The following CSMD1 variants were observed in gnomAD, a reference collection of about 807,000 sequenced individuals.
CSMD1 encodes the protein CUB and Sushi multiple domains 1.
CSMD1 carries 213 observed loss-of-function variants against 417.5 expected under a neutral mutation model. That is an observed-to-expected ratio of 0.51 (90% CI 0.46 to 0.57). The LOEUF (loss-of-function observed/expected upper bound fraction) is 0.57, where lower values mean the gene tolerates loss of function less well. Ranked by LOEUF, CSMD1 falls within the 20% of genes least tolerant of loss-of-function variation. The pLI is 0.00. For synonymous variants in CSMD1, 2,862 were observed against 1,736.8 expected (o/e 1.65, Z -16.11); for missense variants, 6,923 against 4,529.7 (o/e 1.53, Z -15.17).
At chr8:3,913,153 T>G (rs1288110458) in intron 5 of CSMD1, among the ~76,000 whole-genome samples, 1 of 152,170 alleles carries the variant, frequency 6.6e-6, no homozygotes, top group Non-Finnish European at 1.5e-5. Context: ...AGTATCCATG[T>G]TACATCGACA....
chr8:4,187,396 C>T (rs1341525520), intron 3 of CSMD1, among the ~76,000 whole-genome samples: 1 of 152,048 alleles, frequency 6.6e-6, no homozygotes, highest in Non-Finnish European at 1.5e-5. Flanking sequence ...CCTATAATCC[C>T]AGCACTTTGG....
At chr8:4,453,409 C>G (rs1295003056) in intron 2 of CSMD1, among the ~76,000 whole-genome samples, 1 of 152,108 alleles carries the variant, frequency 6.6e-6, no homozygotes, top group Admixed American at 6.5e-5. Flanking sequence ...CAGGAGATTC[C>G]CAGAAGACAC....
intron 3 of CSMD1, among the ~76,000 whole-genome samples, chr8:4,171,614 A>G (rs1700123): frequency 0.93 from 140,334 of 151,620 alleles, 65,085 homozygotes; most frequent in African/African-American, 0.97. Flanking sequence ...GGTCCCACTA[A>G]ATTTCACTAA....
chr8:3,348,595 T>TATGG (rs1808172832), intron 21 of CSMD1, among the ~76,000 whole-genome samples: 1 of 152,190 alleles, frequency 6.6e-6, no homozygotes, highest in African/African-American at 2.4e-5. Flanking sequence ...ATTGACATCT[T>TATGG]ATGGCATCAA....
intron 3 of CSMD1, among the ~76,000 whole-genome samples, chr8:4,314,927 A>G (rs1381171629): frequency 6.6e-6 from 1 of 152,142 alleles, no homozygotes; most frequent in African/African-American, 2.4e-5. Flanking sequence ...AGATTATACC[A>G]CAGGAAAAGT....
rs777198386 is a variant in CSMD1 at position 3,142,529 on chromosome 8, T to G, written c.6177A>C (p.Glu2059Asp). 1.9e-6 allele frequency: 3 copies of G among 1,614,004 alleles called. No homozygotes were observed. In the South Asian group the frequency reaches 3.3e-5, roughly 18 times the overall value. Residue 2059 changes from glutamate to aspartate, a missense_variant, in exon 41 of 70, where the codon GAA becomes GAC. By Grantham distance (45) the Glu-to-Asp change is conservative. Coordinates refer to ENST00000635120, the MANE Select transcript of CSMD1 (RefSeq NM_033225.6). ...LPAALLSTTH[E>D]TLIHFYSDHS... The stretch of plus-strand genomic sequence containing the variant: ...GGTCACTATAAAAGTGGATGAGGGT[T>G]TCATGCGTTGTGCTCAGCAGGGCCG...
intron 49 of CSMD1, among the ~76,000 whole-genome samples, chr8:3,072,055 C>T (rs2128998825): frequency 6.6e-6 from 1 of 152,276 alleles, no homozygotes; most frequent in Non-Finnish European, 1.5e-5. Context: ...CCATACAATG[C>T]TCGTCTAAGT....
At position 3,229,356 on chromosome 8, in the gene CSMD1, T is replaced by G. The variant is rs564286056; in HGVS notation, c.4345+684A>C. On this transcript the variant is annotated intron_variant, in intron 27 of 69. Coordinates refer to ENST00000635120, the MANE Select transcript of CSMD1 (RefSeq NM_033225.6). ...AGATGATATACTCTAAGTACGAATT[T>G]TATTAGTAGAATATTTTATTGAATG... is the stretch of plus-strand genomic sequence containing the variant. Among the ~76,000 whole-genome samples, 7 of 152,328 alleles carry G rather than the reference T, an allele frequency of 4.6e-5. No homozygotes were observed. The South Asian group carries it at 6.2e-4, about 14-fold the overall frequency.
intron 5 of CSMD1, among the ~76,000 whole-genome samples, chr8:3,948,813 T>C (rs565288889): frequency 7.1e-6 from 1 of 141,612 alleles, no homozygotes; most frequent in South Asian, 2.4e-4. Context: ...CCAGTTATCA[T>C]TTTGAAGAGA....
Position 4,187,362 on chromosome 8 carries a change from T to G in CSMD1, c.416-155263A>C, listed in dbSNP as rs141743835. Among the ~76,000 whole-genome samples the G allele has an allele frequency of 4.7e-3, 711 of 152,188 alleles. 2 individuals carry two copies. The highest frequency in any genetic ancestry group is 8.0e-3 in the Non-Finnish European group (541 of 68,004). ...GACACAGGTAAGCATTAAGTAGCAT[T>G]TGGGCCAGGCACGGTGGCTGATGCC... On this transcript the variant is annotated intron_variant, in intron 3 of 69. Coordinates refer to ENST00000635120, the MANE Select transcript of CSMD1 (RefSeq NM_033225.6).
intron 4 of CSMD1, among the ~76,000 whole-genome samples, chr8:4,003,303 G>A (rs1296746911): frequency 1.3e-5 from 2 of 152,122 alleles, no homozygotes; most frequent in African/African-American, 4.8e-5. Flanking sequence ...TGAGGCAGGA[G>A]AATGGTGTGA....
intron 7 of CSMD1, among the ~76,000 whole-genome samples, chr8:3,623,267 C>A (rs1294958623): frequency 6.6e-6 from 1 of 152,172 alleles, no homozygotes; most frequent in Non-Finnish European, 1.5e-5. Flanking sequence ...TGTGACTCTG[C>A]AGGGCAGTAA....
intron 2 of CSMD1, among the ~76,000 whole-genome samples, chr8:4,582,923 C>T (rs895405016): frequency 6.6e-6 from 1 of 152,328 alleles, no homozygotes. Flanking sequence ...ACACTCGGAG[C>T]AGCTGGCCGG....
chr8:4,003,182 A>C (rs527351656), intron 4 of CSMD1, among the ~76,000 whole-genome samples: 1 of 152,178 alleles, frequency 6.6e-6, no homozygotes, highest in African/African-American at 2.4e-5. Flanking sequence ...TCACGAGGTC[A>C]GGAGATCGAG....
intron 3 of CSMD1, among the ~76,000 whole-genome samples, chr8:4,338,307 G>GTTACACAT (rs938170369): frequency 6.6e-6 from 1 of 152,108 alleles, no homozygotes; most frequent in Non-Finnish European, 1.5e-5. Context: ...AATATAGTTA[G>GTTACACAT]TTACACATTT....
chr8:3,711,358 G>T (rs561355445), intron 6 of CSMD1, among the ~76,000 whole-genome samples: 1 of 152,276 alleles, frequency 6.6e-6, no homozygotes, highest in Non-Finnish European at 1.5e-5. Context: ...TCCAAGGAAG[G>T]GCTGGCCAGA....
chr8:3,518,029 T>G (rs559912906), intron 10 of CSMD1, among the ~76,000 whole-genome samples: 2 of 152,112 alleles, frequency 1.3e-5, no homozygotes, highest in Non-Finnish European at 2.9e-5. Context: ...TAGAAAATTA[T>G]CTCCCTCAAG....
chr8:3,763,923 T>C lies in CSMD1; in HGVS notation c.819-9881A>G, dbSNP rs1251066224. ...TATCTCCTTATCTTAATAACCTCTA[T>C]GGGAATCAAAAGATCCCATAACTCA... On this transcript the variant is annotated intron_variant, in intron 5 of 69. Transcript: ENST00000635120. 2.0e-5 allele frequency among the ~76,000 whole-genome samples: 3 copies of C among 152,102 alleles called. No individual in the cohort carries two copies. The East Asian group carries it at 5.8e-4, about 29-fold the overall frequency.
chr8:2,946,931 G>C (rs1456992585), intron 68 of CSMD1, among the ~76,000 whole-genome samples: 7 of 152,166 alleles, frequency 4.6e-5, no homozygotes. Context: ...TGGACATGAA[G>C]GGGTATCCCA....
Sources: gnomAD v4.1 joint callset for allele counts (sites outside exome capture counted in the v4.1 genomes callset) on GRCh38, gnomAD v4.1.1 for gene constraint, MANE v1.5 for transcripts, NCBI Gene and HGNC (gene_info 2026-07-23, HGNC 2026-07-21) for gene names.